TSHZ2: variants seen among roughly 807,000 people sequenced by gnomAD.
TSHZ2 encodes the protein teashirt homolog 2.
Under a neutral mutation model 74.4 loss-of-function variants are expected in TSHZ2, and 21 were observed. The ratio of observed to expected loss-of-function variants is 0.28; its 90% CI spans 0.20 to 0.41. The LOEUF (loss-of-function observed/expected upper bound fraction) is 0.41. Among genes scored for constraint, TSHZ2 ranks in the 10% least tolerant of loss-of-function variants. TSHZ2 has a pLI of 1.00. For synonymous variants in TSHZ2, 540 were observed against 515.3 expected (o/e 1.05, Z -0.65); for missense variants, 1,244 against 1,293.5 (o/e 0.96, Z 0.59).
intron 2 of TSHZ2, among the ~76,000 whole-genome samples, chr20:53,306,709 A>G (rs1189060922): frequency 6.6e-6 from 1 of 152,248 alleles, no homozygotes; most frequent in Non-Finnish European, 1.5e-5. Context: ...GCACGCCCTC[A>G]TAATTAAGAA....
At chr20:53,428,343 GTAT>G (rs1478888554) in intron 2 of TSHZ2, among the ~76,000 whole-genome samples, 1 of 152,318 alleles carries the variant, frequency 6.6e-6, no homozygotes, top group South Asian at 2.1e-4. Flanking sequence ...AAGGCACTGT[GTAT>G]TATTATTATA....
At chr20:53,281,416 T>G (rs779958166) in intron 2 of TSHZ2, among the ~76,000 whole-genome samples, 3 of 152,218 alleles carry the variant, frequency 2.0e-5, no homozygotes, top group Non-Finnish European at 4.4e-5. Context: ...GGCCAGATAG[T>G]AAATGTCTGA....
chr20:53,370,084 G>T (rs1211622354), intron 2 of TSHZ2, among the ~76,000 whole-genome samples: 2 of 152,174 alleles, frequency 1.3e-5, no homozygotes. Context: ...GGAAGTTCAG[G>T]AATCTGAAGT....
intron 2 of TSHZ2, among the ~76,000 whole-genome samples, chr20:53,471,575 T>C (rs1238538983): frequency 1.3e-5 from 2 of 152,164 alleles, no homozygotes; most frequent in African/African-American, 4.8e-5. Context: ...GAAAGCACCA[T>C]CTGAACTGAG....
At chr20:53,233,753 G>A (rs1292510012) in intron 1 of TSHZ2, among the ~76,000 whole-genome samples, 1 of 152,142 alleles carries the variant, frequency 6.6e-6, no homozygotes, top group Non-Finnish European at 1.5e-5. Flanking sequence ...TGGAGACTCT[G>A]TAGTATAAAT....
intron 1 of TSHZ2, among the ~76,000 whole-genome samples, chr20:53,182,810 T>C (rs1356882769): frequency 6.6e-6 from 1 of 152,212 alleles, no homozygotes; most frequent in African/African-American, 2.4e-5. Flanking sequence ...TCTCCTCTCT[T>C]TGAACAGGGA....
intron 2 of TSHZ2, among the ~76,000 whole-genome samples, chr20:53,265,738 AAG>A (rs1258156721): frequency 1.3e-5 from 2 of 152,192 alleles, no homozygotes; most frequent in Admixed American, 6.5e-5. Flanking sequence ...TCACTTTTGA[AAG>A]AGAGGAAGGT....
At chr20:53,109,199 A>G (rs756742877) in intron 1 of TSHZ2, among the ~76,000 whole-genome samples, 1 of 152,214 alleles carries the variant, frequency 6.6e-6, no homozygotes. Context: ...GAGCTTAAAT[A>G]TAGTATCTAC....
chr20:53,046,933 A>G (rs570574798), intron 1 of TSHZ2, among the ~76,000 whole-genome samples: 1 of 152,302 alleles, frequency 6.6e-6, no homozygotes, highest in Admixed American at 6.5e-5. Flanking sequence ...CTTTCTTATT[A>G]ACCATCCCTG....
At chr20:53,203,191 ATTT>A (rs34078708) in intron 1 of TSHZ2, among the ~76,000 whole-genome samples, 24 of 130,528 alleles carry the variant, frequency 1.8e-4, no homozygotes, top group African/African-American at 2.7e-4. Context: ...GCAGACTCAA[ATTT>A]TTTTTTTTTT....
At chr20:53,054,059 T>C (rs1347614350) in intron 1 of TSHZ2, among the ~76,000 whole-genome samples, 1 of 152,168 alleles carries the variant, frequency 6.6e-6, no homozygotes, top group African/African-American at 2.4e-5. Context: ...GCTCTGGAAT[T>C]GAAAAGACAT....
intron 1 of TSHZ2, among the ~76,000 whole-genome samples, chr20:53,014,319 C>A (rs2256172): frequency 4.6e-5 from 7 of 152,092 alleles, no homozygotes; most frequent in African/African-American, 1.4e-4. Context: ...TTCAGGGCCC[C>A]TCATCCTAAT....
At chr20:53,252,683 C>T (rs941292883) in intron 1 of TSHZ2, among the ~76,000 whole-genome samples, 1 of 152,240 alleles carries the variant, frequency 6.6e-6, no homozygotes, top group East Asian at 1.9e-4. Flanking sequence ...CATCTCATGA[C>T]GGGTACCCAC....
At chr20:53,463,971 G>A (rs188042840) in intron 2 of TSHZ2, among the ~76,000 whole-genome samples, 54 of 152,284 alleles carry the variant, frequency 3.5e-4, no homozygotes, top group African/African-American at 8.7e-4. Context: ...CATTATTACC[G>A]CCATCATTGC....
intron 2 of TSHZ2, among the ~76,000 whole-genome samples, chr20:53,342,955 CTTTTTTTTTTTTT>C (rs1175907478): frequency 2.1e-4 from 13 of 61,216 alleles, no homozygotes; most frequent in Non-Finnish European, 6.0e-5. Flanking sequence ...CTTTTCTTTT[CTTTTTTTTTTTTT>C]TTTTTTTTTT....
chr20:53,175,108 CCTT>C (rs1269262950), intron 1 of TSHZ2, among the ~76,000 whole-genome samples: 7 of 141,522 alleles, frequency 4.9e-5, no homozygotes, highest in African/African-American at 1.8e-4. Context: ...TTTTTCTTCT[CCTT>C]CTCCTCCTTC....
chr20:53,359,697 C>T (rs956289042), intron 2 of TSHZ2, among the ~76,000 whole-genome samples: 4 of 152,018 alleles, frequency 2.6e-5, no homozygotes, highest in South Asian at 4.2e-4. Flanking sequence ...TTGGTATGTT[C>T]GAGGACAGAG....
intron 2 of TSHZ2, among the ~76,000 whole-genome samples, chr20:53,390,896 G>T (rs1453833649): frequency 6.6e-6 from 1 of 152,176 alleles, no homozygotes; most frequent in Non-Finnish European, 1.5e-5. Context: ...AGCAAAATTT[G>T]TTAAGGGACC....
chr20:53,462,065 C>T (rs1371823306), intron 2 of TSHZ2, among the ~76,000 whole-genome samples: 1 of 151,234 alleles, frequency 6.6e-6, no homozygotes, highest in Non-Finnish European at 1.5e-5. Context: ...AACCCTGTCT[C>T]TACTAAAAAT....
Sources: gnomAD v4.1 joint callset for allele counts (sites outside exome capture counted in the v4.1 genomes callset) on GRCh38, gnomAD v4.1.1 for gene constraint, MANE v1.5 for transcripts, NCBI Gene and HGNC (gene_info 2026-07-23, HGNC 2026-07-21) for gene names.